THSD7A: variants seen among roughly 807,000 people sequenced by gnomAD.
THSD7A encodes thrombospondin type 1 domain containing 7A.
Under a neutral mutation model 231.3 loss-of-function variants are expected in THSD7A, and 96 were observed. That is an observed-to-expected ratio of 0.41 (90% CI 0.35 to 0.49). THSD7A has a LOEUF of 0.49. Among genes scored for constraint, THSD7A ranks in the 20% least tolerant of loss-of-function variants. THSD7A has a pLI of 0.05. For synonymous variants in THSD7A, 940 were observed against 743.3 expected, an observed-to-expected ratio of 1.26 and a Z score of -4.30; for missense variants, 2,290 against 2,070.2, an observed-to-expected ratio of 1.11 and a Z score of -2.06.
chr7:11,396,983 G>T (rs1442659615), intron 23 of THSD7A, among the ~76,000 whole-genome samples: 1 of 152,062 alleles, frequency 6.6e-6, no homozygotes, highest in African/African-American at 2.4e-5. Context: ...CAACATATGT[G>T]AATCAATAAA....
At chr7:11,425,731 TACACACACAC>T (rs3086973) in intron 15 of THSD7A, among the ~76,000 whole-genome samples, 2,781 of 145,794 alleles carry the variant, frequency 0.019, 37 homozygotes, top group South Asian at 0.056. Context: ...TCCCTTATTT[TACACACACAC>T]ACACACACAC....
intron 6 of THSD7A, among the ~76,000 whole-genome samples, chr7:11,485,658 C>T (rs1293526490): frequency 6.6e-6 from 1 of 152,034 alleles, no homozygotes; most frequent in African/African-American, 2.4e-5. Context: ...CACCAATACC[C>T]CAATCTGCTT....
chr7:11,574,658 G>C (rs940819698), intron 4 of THSD7A, among the ~76,000 whole-genome samples: 4 of 150,458 alleles, frequency 2.7e-5, no homozygotes, highest in Admixed American at 2.0e-4. Flanking sequence ...GGATGGTCTC[G>C]ATCTCCTGAC....
At chr7:11,383,188 C>CTTTCATACCATAAA (rs1782593482) in intron 23 of THSD7A, among the ~76,000 whole-genome samples, 1 of 151,844 alleles carries the variant, frequency 6.6e-6, no homozygotes, top group African/African-American at 2.4e-5. Flanking sequence ...TATGGTATTA[C>CTTTCATACCATAAA]TTTCATACAG....
At chr7:11,595,481 T>C (rs1008642042) in intron 2 of THSD7A, among the ~76,000 whole-genome samples, 1 of 152,116 alleles carries the variant, frequency 6.6e-6, no homozygotes, top group African/African-American at 2.4e-5. Context: ...GTTTATTTGC[T>C]TGGTTAGCTA....
intron 1 of THSD7A, among the ~76,000 whole-genome samples, chr7:11,799,272 C>T (rs184990369): frequency 3.3e-4 from 50 of 152,094 alleles, no homozygotes; most frequent in Non-Finnish European, 6.8e-4. Context: ...GTTTTAGCTG[C>T]AAGAATACTT....
intron 6 of THSD7A, among the ~76,000 whole-genome samples, chr7:11,487,507 A>T (rs544906266): frequency 6.6e-6 from 1 of 152,306 alleles, no homozygotes; most frequent in South Asian, 2.1e-4. Context: ...AATCAATTGT[A>T]TTTTAATGCA....
intron 1 of THSD7A, among the ~76,000 whole-genome samples, chr7:11,795,295 G>GA (rs899521216): frequency 6.6e-6 from 1 of 151,622 alleles, no homozygotes; most frequent in Admixed American, 6.6e-5. Flanking sequence ...ATTTTAGAGA[G>GA]AAAAAATAAT....
At chr7:11,527,460 T>C (rs1456018879) in intron 6 of THSD7A, among the ~76,000 whole-genome samples, 1 of 152,174 alleles carries the variant, frequency 6.6e-6, no homozygotes, top group Non-Finnish European at 1.5e-5. Context: ...CTAACTCTGC[T>C]TTTGTAAGGA....
At chr7:11,556,382 A>G (rs1268396295) in intron 4 of THSD7A, among the ~76,000 whole-genome samples, 3 of 151,708 alleles carry the variant, frequency 2.0e-5, no homozygotes, top group Non-Finnish European at 4.4e-5. Context: ...TGCTAGTTCA[A>G]CTAAAGTATA....
chr7:11,450,722 A>G (rs750939256), intron 11 of THSD7A, among the ~76,000 whole-genome samples: 2 of 152,174 alleles, frequency 1.3e-5, no homozygotes, highest in Non-Finnish European at 2.9e-5. Flanking sequence ...GCACACCAGA[A>G]AACTACATAT....
intron 6 of THSD7A, among the ~76,000 whole-genome samples, chr7:11,513,219 G>A (rs1002642319): frequency 3.3e-5 from 5 of 151,610 alleles, no homozygotes; most frequent in South Asian, 2.1e-4. Context: ...TATACTGCTC[G>A]GGTGATGGTT....
chr7:11,428,521 T>A (rs898406189), intron 14 of THSD7A, among the ~76,000 whole-genome samples: 5 of 152,172 alleles, frequency 3.3e-5, no homozygotes, highest in African/African-American at 4.8e-5. Context: ...CAGTATATAT[T>A]TTTCCTAATT....
intron 1 of THSD7A, among the ~76,000 whole-genome samples, chr7:11,672,917 G>C (rs1783458200): frequency 6.6e-6 from 1 of 152,102 alleles, no homozygotes; most frequent in African/African-American, 2.4e-5. Flanking sequence ...AGTTTCAGCT[G>C]AAGTAAAATT....
intron 2 of THSD7A, among the ~76,000 whole-genome samples, chr7:11,614,188 A>G (rs570778215): frequency 1.3e-5 from 2 of 152,244 alleles, no homozygotes; most frequent in East Asian, 3.9e-4. Flanking sequence ...AGGGAGTTAC[A>G]CCTAATAATC....
At chr7:11,509,319 A>G (rs562342304) in intron 6 of THSD7A, among the ~76,000 whole-genome samples, 1 of 152,324 alleles carries the variant, frequency 6.6e-6, no homozygotes, top group African/African-American at 2.4e-5. Flanking sequence ...TCAAGACACA[A>G]TAACTGACTT....
chr7:11,806,361 G>T (rs376193997), intron 1 of THSD7A, among the ~76,000 whole-genome samples: 1 of 152,050 alleles, frequency 6.6e-6, no homozygotes, highest in Non-Finnish European at 1.5e-5. Flanking sequence ...TGATTTCAAT[G>T]TACAAAATAA....
intron 4 of THSD7A, among the ~76,000 whole-genome samples, chr7:11,552,709 G>A (rs62434464): frequency 0.035 from 5,366 of 152,170 alleles, 179 homozygotes; most frequent in African/African-American, 0.077. Context: ...TGTTTAAAAT[G>A]GCAACCCCAC....
At chr7:11,578,751 T>C (rs1584016043) in intron 4 of THSD7A, among the ~76,000 whole-genome samples, 2 of 152,178 alleles carry the variant, frequency 1.3e-5, no homozygotes, top group South Asian at 4.1e-4. Context: ...GTTGAAGGCA[T>C]TACAAGGCAG....
Sources: allele counts gnomAD v4.1 joint callset (sites outside exome capture counted in the v4.1 genomes callset), GRCh38; gene constraint gnomAD v4.1.1; transcripts MANE v1.5; gene names NCBI Gene and HGNC (gene_info 2026-07-23, HGNC 2026-07-21).